Variants in PRICKLE1 observed in about 807,000 individuals in gnomAD.
PRICKLE1 encodes prickle planar cell polarity protein 1.
PRICKLE1 carries 14 observed loss-of-function variants against 70.2 expected under a neutral mutation model. The observed-to-expected ratio is 0.20, with a 90% CI of 0.13 to 0.31. PRICKLE1 has a LOEUF of 0.31. Among genes scored for constraint, PRICKLE1 ranks in the 10% least tolerant of loss-of-function variants. The pLI is 1.00. For synonymous variants in PRICKLE1, 357 were observed against 379.9 expected, an observed-to-expected ratio of 0.94 and a Z score of 0.70; for missense variants, 821 against 1,026.2, an observed-to-expected ratio of 0.80 and a Z score of 2.73.
chr12:42,541,288 C>T (rs1455700376), intron 1 of PRICKLE1, among the ~76,000 whole-genome samples: 1 of 152,020 alleles, frequency 6.6e-6, no homozygotes, highest in Non-Finnish European at 1.5e-5. Flanking sequence ...CCTCAATTAT[C>T]TGGTTTGGTT....
At chr12:42,489,055 C>T (rs1939042077) in intron 1 of PRICKLE1, among the ~76,000 whole-genome samples, 1 of 151,760 alleles carries the variant, frequency 6.6e-6, no homozygotes, top group African/African-American at 2.4e-5. Context: ...TCCTGAGTAG[C>T]TGGGATTACA....
chr12:42,464,630 C>T lies in PRICKLE1; in HGVS notation c.1404G>A (p.Gln468=). 6.2e-7 allele frequency: 1 copy of T among 1,613,986 alleles called. No homozygotes were observed. Among genetic ancestry groups the T allele is most frequent in the South Asian group, 1.1e-5 (1 of 91,076 alleles). Reference sequence around the variant, plus strand: ...GTGACTGTGCCCAGTACATATCAGACTGGTATTTTTTACTTGCAAGGCTCT... The same window carrying T: ...GTGACTGTGCCCAGTACATATCAGATTGGTATTTTTTACTTGCAAGGCTCT... ...NNQSLASKKY[Q]SDMYWAQSQD... is the part of the protein sequence containing the mutation. Residue 468 remains glutamine (Q), a synonymous_variant, in exon 7 of 8, where the codon CAG becomes CAA. Transcript: ENST00000345127. This position sits in a 1 kb window ranked among gnomAD's most constrained non-coding sequence, Gnocchi z 4.2.
intron 1 of PRICKLE1, among the ~76,000 whole-genome samples, chr12:42,527,954 T>C (rs1372984478): frequency 0.055 from 1,503 of 27,524 alleles, 70 homozygotes; most frequent in South Asian, 0.11. Flanking sequence ...TATATATATA[T>C]ATATATATAT....
At chr12:42,503,403 G>A (rs1939351354) in intron 1 of PRICKLE1, among the ~76,000 whole-genome samples, 1 of 152,106 alleles carries the variant, frequency 6.6e-6, no homozygotes, top group Non-Finnish European at 1.5e-5. Context: ...TACACAAGGG[G>A]ATAGATTCTT....
intron 3 of PRICKLE1, 146 bp from the exon 4 acceptor site, chr12:42,469,733 A>G: frequency 1.0e-6 from 1 of 968,152 alleles, no homozygotes; most frequent in South Asian, 1.4e-5. Context: ...ATGACACCAT[A>G]TCTGAATTTT....
intron 1 of PRICKLE1, among the ~76,000 whole-genome samples, chr12:42,490,330 G>A (rs1475328372): frequency 1.3e-5 from 2 of 152,174 alleles, no homozygotes; most frequent in Admixed American, 6.5e-5. Context: ...AGGCTGAGCC[G>A]GTCAAAGTTT....
rs554511818 is a variant in PRICKLE1 at position 42,464,107 on chromosome 12, C to A, written c.1639+288G>T. ...GCAGTGGCGCAATCTTGGCTCACTA[C>A]AACCTCTGCCTCCTGGGTTCAAGCA... On this transcript the variant is annotated intron_variant, in intron 7 of 7. Transcript: ENST00000345127. This position sits in a 1 kb window ranked among gnomAD's most constrained non-coding sequence, Gnocchi z 4.2. 6.6e-6 allele frequency among the ~76,000 whole-genome samples: 1 copy of A among 152,100 alleles called. No individual in the cohort carries two copies. The highest frequency in any genetic ancestry group is 1.9e-4 in the East Asian group (1 of 5,156).
At chr12:42,580,952 A>G (rs969988424) in intron 1 of PRICKLE1, among the ~76,000 whole-genome samples, 1 of 152,088 alleles carries the variant, frequency 6.6e-6, no homozygotes, top group Non-Finnish European at 1.5e-5. Context: ...GAGAGAGAGT[A>G]AGGAAGGGAG....
chr12:42,500,034 A>G (rs1310777058), intron 1 of PRICKLE1, among the ~76,000 whole-genome samples: 2 of 152,196 alleles, frequency 1.3e-5, no homozygotes, highest in Admixed American at 6.5e-5. Flanking sequence ...TACAGGCATG[A>G]GCCACCGTGC....
intron 1 of PRICKLE1, among the ~76,000 whole-genome samples, chr12:42,551,671 T>C (rs759296438): frequency 4.6e-5 from 7 of 152,174 alleles, no homozygotes; most frequent in Non-Finnish European, 1.0e-4. Flanking sequence ...GGCCAATTGC[T>C]TGAAGCTGGT....
chr12:42,523,530 G>A (rs898209337), intron 1 of PRICKLE1, among the ~76,000 whole-genome samples: 2 of 152,148 alleles, frequency 1.3e-5, no homozygotes, highest in Non-Finnish European at 2.9e-5. Flanking sequence ...GTCTTCAAAC[G>A]ACCAAGAAAG....
chr12:42,492,951 T>C (rs1939131016), intron 1 of PRICKLE1, among the ~76,000 whole-genome samples: 1 of 152,238 alleles, frequency 6.6e-6, no homozygotes, highest in African/African-American at 2.4e-5. Flanking sequence ...GAGTGGTGAA[T>C]GACTAACTTG....
At chr12:42,503,111 A>G (rs1408014875) in intron 1 of PRICKLE1, among the ~76,000 whole-genome samples, 3 of 152,190 alleles carry the variant, frequency 2.0e-5, no homozygotes, top group African/African-American at 7.2e-5. Flanking sequence ...GGCAATCTGA[A>G]TATTTTCACC....
chr12:42,480,022 T>C (rs1938736380), intron 1 of PRICKLE1, among the ~76,000 whole-genome samples: 1 of 152,218 alleles, frequency 6.6e-6, no homozygotes, highest in African/African-American at 2.4e-5. Context: ...AAAAATTATA[T>C]GTGATTTAGC....
chr12:42,584,835 G>C (rs994622862), intron 1 of PRICKLE1, among the ~76,000 whole-genome samples: 3 of 152,068 alleles, frequency 2.0e-5, no homozygotes, highest in Non-Finnish European at 2.9e-5. Context: ...GTCTACTTAC[G>C]GGTCTGCATC....
intron 1 of PRICKLE1, among the ~76,000 whole-genome samples, chr12:42,477,890 T>A (rs576911027): frequency 6.6e-6 from 1 of 152,224 alleles, no homozygotes; most frequent in African/African-American, 2.4e-5. Context: ...AAACTTTTTT[T>A]ATGATGCTTC....
In PRICKLE1 at chr12:42,552,839, C is replaced by T. The variant is rs569392371; in HGVS notation, c.-49+36626G>A. ...CCAGGGACCCGTTTCATGGAAGACA[C>T]GGAGGTGGAGTGGGAGTGGATGTTT... On this transcript the variant is annotated intron_variant, in intron 1 of 7. Transcript: ENST00000345127. 3.3e-5 allele frequency among the ~76,000 whole-genome samples: 5 copies of T among 152,290 alleles called. No individual in the cohort carries two copies. The East Asian group carries it at 7.7e-4, about 23-fold the overall frequency.
At chr12:42,561,710 G>A (rs1279148666) in intron 1 of PRICKLE1, among the ~76,000 whole-genome samples, 1 of 151,966 alleles carries the variant, frequency 6.6e-6, no homozygotes, top group East Asian at 1.9e-4. Context: ...TAATGAAAAT[G>A]ACTCAATGCT....
intron 1 of PRICKLE1, among the ~76,000 whole-genome samples, chr12:42,491,446 G>A (rs1214543283): frequency 6.6e-6 from 1 of 151,584 alleles, no homozygotes; most frequent in Non-Finnish European, 1.5e-5. Flanking sequence ...CCAGCTTCTC[G>A]GGAGGCTGAG....
Sources: gnomAD v4.1 joint callset for allele counts (sites outside exome capture counted in the v4.1 genomes callset) on GRCh38, gnomAD v4.1.1 for gene constraint, Gnocchi (gnomAD v3.1) non-coding constraint, MANE v1.5 for transcripts, NCBI Gene and HGNC (gene_info 2026-07-23, HGNC 2026-07-21) for gene names.